Variants in DTNBP1 observed in about 807,000 individuals in gnomAD.
DTNBP1 encodes dysbindin.
A neutral mutation model predicts 42.8 loss-of-function variants in DTNBP1; 35 were observed. The observed-to-expected ratio is 0.82, with a 90% CI of 0.63 to 1.09. DTNBP1 has a LOEUF of 1.09. Ranked by LOEUF, DTNBP1 falls within the 50% of genes least tolerant of loss-of-function variation. The probability of loss-of-function intolerance (pLI) is 0.00; values close to 1 mark genes in which losing one functional copy is unlikely to be tolerated. For synonymous variants in DTNBP1, 171 were observed against 162.2 expected, an observed-to-expected ratio of 1.05 and a Z score of -0.41; for missense variants, 457 against 424.2, an observed-to-expected ratio of 1.08 and a Z score of -0.68.
intron 6 of DTNBP1, among the ~76,000 whole-genome samples, chr6:15,606,850 C>A (rs1045051069): frequency 1.3e-5 from 2 of 152,116 alleles, no homozygotes; most frequent in African/African-American, 4.8e-5. Context: ...TTAAGCGACT[C>A]ATCTCTTATG....
chr6:15,578,709 C>T (rs1410811231), intron 7 of DTNBP1, among the ~76,000 whole-genome samples: 2 of 152,048 alleles, frequency 1.3e-5, no homozygotes, highest in South Asian at 2.1e-4. Flanking sequence ...ATATTTATTT[C>T]TTAGGATTGG....
At chr6:15,560,966 T>A (rs1330902937) in intron 7 of DTNBP1, among the ~76,000 whole-genome samples, 2 of 152,214 alleles carry the variant, frequency 1.3e-5, no homozygotes, top group African/African-American at 4.8e-5. Context: ...CCAGGTATAA[T>A]AAGACTAAAG....
intron 7 of DTNBP1, among the ~76,000 whole-genome samples, chr6:15,576,048 C>T (rs1266148837): frequency 6.6e-6 from 1 of 152,108 alleles, no homozygotes; most frequent in African/African-American, 2.4e-5. Flanking sequence ...CCACAGTTTT[C>T]TAAGATATTA....
chr6:15,585,698 A>G, intron 7 of DTNBP1: 1 of 1,534,724 alleles, frequency 6.5e-7, no homozygotes, highest in Non-Finnish European at 8.7e-7. Context: ...AAGGAAAAAC[A>G]GAAAATAAAG....
chr6:15,583,131 C>T (rs1372553547), intron 7 of DTNBP1, among the ~76,000 whole-genome samples: 1 of 152,066 alleles, frequency 6.6e-6, no homozygotes, highest in Non-Finnish European at 1.5e-5. Flanking sequence ...CAGGTGCATG[C>T]CACCATGCCC....
chr6:15,589,877 T>A (rs1488167197), intron 7 of DTNBP1, among the ~76,000 whole-genome samples: 1 of 152,228 alleles, frequency 6.6e-6, no homozygotes, highest in Non-Finnish European at 1.5e-5. Context: ...CATTTTTTTC[T>A]ACCATTCATG....
At chr6:15,585,843 G>A (rs571412618) in intron 7 of DTNBP1, 184 of 1,488,390 alleles carry the variant, frequency 1.2e-4, no homozygotes, top group Middle Eastern at 6.9e-4. Flanking sequence ...GCCCTCACGT[G>A]CATCTTCTGG....
intron 7 of DTNBP1, among the ~76,000 whole-genome samples, chr6:15,565,448 G>T (rs1317559030): frequency 1.3e-5 from 2 of 152,112 alleles, no homozygotes; most frequent in African/African-American, 2.4e-5. Flanking sequence ...ATTAACTGGG[G>T]AATGGATAAA....
intron 4 of DTNBP1, among the ~76,000 whole-genome samples, 179 bp downstream of exon 4, chr6:15,637,565 C>T (rs1276637931): frequency 6.6e-6 from 1 of 152,060 alleles, no homozygotes; most frequent in African/African-American, 2.4e-5. Flanking sequence ...AATTACTTGA[C>T]AGAGAAATGA....
intron 7 of DTNBP1, among the ~76,000 whole-genome samples, chr6:15,542,149 T>C (rs947417323): frequency 6.6e-6 from 1 of 152,178 alleles, no homozygotes; most frequent in African/African-American, 2.4e-5. Flanking sequence ...AGTTAGGAAA[T>C]ATGAGTTTTG....
chr6:15,652,198 T>C lies in DTNBP1; in HGVS notation c.57-58A>G. 6 of 1,392,114 alleles carry C rather than the reference T, an allele frequency of 4.3e-6. No individual in the cohort carries two copies. In the South Asian group the frequency reaches 6.5e-5, roughly 15 times the overall value. 86.2% of individuals were successfully genotyped at this position (1,392,114 alleles called of 1,614,324 possible). A position where few individuals can be genotyped will look rare whatever the true frequency, so the allele number is the denominator to read the frequency against. ...AAGTCAAGAGATTATTATTATTTTT[T>C]TGAGACAGGGTCTCACTCTGTCGTC... On this transcript the variant is annotated intron_variant, in intron 1 of 9. Coordinates refer to ENST00000344537, the MANE Select transcript of DTNBP1 (RefSeq NM_032122.5).
intron 6 of DTNBP1, among the ~76,000 whole-genome samples, chr6:15,611,040 C>G (rs950757197): frequency 6.6e-6 from 1 of 152,196 alleles, no homozygotes; most frequent in African/African-American, 2.4e-5. Context: ...AAGATGACAC[C>G]TAGGACTTTC....
At chr6:15,557,512 G>A (rs1581318191) in intron 7 of DTNBP1, among the ~76,000 whole-genome samples, 1 of 152,162 alleles carries the variant, frequency 6.6e-6, no homozygotes, top group Middle Eastern at 3.4e-3. Flanking sequence ...TTTATAAAAG[G>A]TTTACAGGAA....
chr6:15,639,127 GAA>G (rs1440784800), intron 3 of DTNBP1, among the ~76,000 whole-genome samples: 3 of 152,024 alleles, frequency 2.0e-5, no homozygotes, highest in African/African-American at 7.2e-5. Context: ...TCCTAGTACA[GAA>G]AAAAGGACAC....
intron 4 of DTNBP1, 75 bp downstream of exon 4, chr6:15,637,669 T>A: frequency 6.8e-7 from 1 of 1,478,814 alleles, no homozygotes; most frequent in Non-Finnish European, 9.4e-7. Flanking sequence ...AATTATAAAT[T>A]CAATTTTTAA....
At chr6:15,567,468 AC>A (rs2113508328) in intron 7 of DTNBP1, among the ~76,000 whole-genome samples, 1 of 115,246 alleles carries the variant, frequency 8.7e-6, no homozygotes, top group African/African-American at 3.2e-5. Flanking sequence ...AAACAAACAA[AC>A]AAACAAACAA....
Position 15,534,455 on chromosome 6 carries a change from C to T in DTNBP1, c.512-1060G>A, listed in dbSNP as rs561705064. On this transcript the variant is annotated intron_variant, in intron 7 of 9. Coordinates refer to ENST00000344537, the MANE Select transcript of DTNBP1 (RefSeq NM_032122.5). The stretch of plus-strand genomic sequence containing the variant: ...TCACCTGAGGTAAGGAGTTCGAGAC[C>T]AGCCTGGCCAATATGGTAAAACCGT... Among the ~76,000 whole-genome samples the T allele has an allele frequency of 6.6e-5, 10 of 152,190 alleles. No individual in the cohort carries two copies. In the South Asian group the frequency reaches 1.9e-3, roughly 28 times the overall value.
intron 4 of DTNBP1, among the ~76,000 whole-genome samples, chr6:15,627,780 G>A (rs1759436864): frequency 1.4e-5 from 2 of 145,044 alleles, no homozygotes; most frequent in Non-Finnish European, 3.0e-5. Context: ...TATTTGAAAA[G>A]CTAAATCTAG....
At chr6:15,657,131 G>A (rs1761329776) in intron 1 of DTNBP1, among the ~76,000 whole-genome samples, 1 of 152,122 alleles carries the variant, frequency 6.6e-6, no homozygotes. Context: ...ACAGACTCAG[G>A]AAAGAAAGAT....
Sources: allele counts gnomAD v4.1 joint callset (sites outside exome capture counted in the v4.1 genomes callset), GRCh38; gene constraint gnomAD v4.1.1; transcripts MANE v1.5; gene names NCBI Gene and HGNC (gene_info 2026-07-23, HGNC 2026-07-21).